Variants in DGKI observed in about 807,000 individuals in gnomAD.
DGKI encodes DAG kinase iota.
DGKI carries 55 observed loss-of-function variants against 147.5 expected under a neutral mutation model. The observed-to-expected ratio is 0.37, with a 90% CI of 0.30 to 0.47. The LOEUF (loss-of-function observed/expected upper bound fraction) is 0.47, where lower values mean the gene tolerates loss of function less well. Ranked by LOEUF, DGKI falls within the 20% of genes least tolerant of loss-of-function variation. The pLI is 1.00. For synonymous variants in DGKI, 469 were observed against 477.1 expected, an observed-to-expected ratio of 0.98 and a Z score of 0.22; for missense variants, 1,007 against 1,323.8, an observed-to-expected ratio of 0.76 and a Z score of 3.71.
At chr7:137,537,488 A>T (rs1295630661) in intron 20 of DGKI, among the ~76,000 whole-genome samples, 1 of 152,298 alleles carries the variant, frequency 6.6e-6, no homozygotes, top group African/African-American at 2.4e-5. Context: ...TAATCCTACA[A>T]TTCAGAGATA....
intron 19 of DGKI, among the ~76,000 whole-genome samples, chr7:137,567,231 T>C (rs1053409339): frequency 6.9e-6 from 1 of 145,262 alleles, no homozygotes; most frequent in Admixed American, 6.9e-5. Flanking sequence ...ACCATTGCAC[T>C]CCAGCCTGGG....
chr7:137,675,283 G>T (rs1039656028), intron 3 of DGKI, among the ~76,000 whole-genome samples: 1 of 152,092 alleles, frequency 6.6e-6, no homozygotes, highest in African/African-American at 2.4e-5. Context: ...CACCTTGTTC[G>T]CTTGCTGGGA....
intron 1 of DGKI, among the ~76,000 whole-genome samples, chr7:137,719,041 C>T (rs566908306): frequency 6.6e-6 from 1 of 152,252 alleles, no homozygotes; most frequent in South Asian, 2.1e-4. Context: ...TTTTCTGTAT[C>T]CACTGATTAT....
chr7:137,518,004 A>G (rs1816838664), intron 21 of DGKI, among the ~76,000 whole-genome samples: 1 of 152,074 alleles, frequency 6.6e-6, no homozygotes, highest in Admixed American at 6.6e-5. Flanking sequence ...TGGTGTGTGC[A>G]GTTTGAAGTG....
At chr7:137,455,794 C>T (rs1305612509) in intron 27 of DGKI, among the ~76,000 whole-genome samples, 3 of 152,020 alleles carry the variant, frequency 2.0e-5, no homozygotes, top group Non-Finnish European at 4.4e-5. Flanking sequence ...CGATATGACT[C>T]CCCAGCCACC....
intron 22 of DGKI, among the ~76,000 whole-genome samples, chr7:137,486,775 T>G (rs116717559): frequency 0.023 from 3,469 of 152,250 alleles, 133 homozygotes; most frequent in African/African-American, 0.079. Context: ...CTACTTTATT[T>G]ACAATATTTA....
chr7:137,711,675 G>T (rs985864194), intron 1 of DGKI, among the ~76,000 whole-genome samples: 1 of 149,660 alleles, frequency 6.7e-6, no homozygotes, highest in Non-Finnish European at 1.5e-5. Context: ...CGTAAAATGG[G>T]GATACCAACT....
At chr7:137,621,502 G>A (rs1343013204) in intron 7 of DGKI, among the ~76,000 whole-genome samples, 1 of 152,168 alleles carries the variant, frequency 6.6e-6, no homozygotes, top group Non-Finnish European at 1.5e-5. Flanking sequence ...ACCATAAAGG[G>A]TCACATATTT....
rs145229823 is a variant in DGKI, at chr7:137,454,751, T to C, written c.2735+8738A>G. The C allele has an allele frequency of 7.2e-5, 11 of 152,246 alleles. No homozygotes were observed. In the East Asian group the frequency reaches 2.1e-3, roughly 29 times the overall value. 9.4% of individuals were successfully genotyped at this position (152,246 alleles called of 1,614,324 possible). On this transcript the variant is annotated intron_variant, in intron 27 of 32. Coordinates refer to ENST00000614521, the MANE Select transcript of DGKI (RefSeq NM_001321708.2). ...TTCTAAAATCCAGACAACGGAGACA[T>C]ACCCGGAGAGCCAGGAGGAAGGACC...
rs1027773953 is a variant in DGKI, at chr7:137,812,321, C to G, written c.401+34141G>C. 2.6e-5 allele frequency among the ~76,000 whole-genome samples: 4 copies of G among 152,166 alleles called. No individual in the cohort carries two copies. In the East Asian group the frequency reaches 7.7e-4, roughly 29 times the overall value. ...ATTACATATTTGGCTTAGGACAGGC[C>G]TGGTACATGGTAATTGCTCAATAAA... On this transcript the variant is annotated intron_variant, in intron 1 of 32. Transcript: ENST00000614521.
intron 3 of DGKI, among the ~76,000 whole-genome samples, chr7:137,659,635 A>C (rs186775604): frequency 1.7e-4 from 26 of 152,380 alleles, no homozygotes; most frequent in African/African-American, 6.0e-4. Flanking sequence ...AAAGTCACTT[A>C]AAAGCATTCA....
chr7:137,502,258 G>A (rs138752840), intron 21 of DGKI, among the ~76,000 whole-genome samples: 10 of 152,230 alleles, frequency 6.6e-5, no homozygotes, highest in South Asian at 2.1e-4. Context: ...ATTTTCTTAC[G>A]TGAGTGAATC....
At chr7:137,503,143 A>G (rs1230659227) in intron 21 of DGKI, among the ~76,000 whole-genome samples, 2 of 152,146 alleles carry the variant, frequency 1.3e-5, no homozygotes. Context: ...CTTATAGACC[A>G]TGACTCAAGC....
intron 1 of DGKI, among the ~76,000 whole-genome samples, chr7:137,817,359 T>C (rs1797770638): frequency 6.6e-6 from 1 of 152,236 alleles, no homozygotes; most frequent in Non-Finnish European, 1.5e-5. Flanking sequence ...ATTGAATGAA[T>C]TAACTACTTT....
At position 137,471,930 on chromosome 7, in the gene DGKI, A is replaced by G. The variant is rs1814911079; in HGVS notation, c.2374-2311T>C. ...TCTTGCTCTCTATATGTATATATGTATATATAATATATACACATGTATATA... is the reference window on the plus strand; with the variant it reads ...TCTTGCTCTCTATATGTATATATGTGTATATAATATATACACATGTATATA... On this transcript the variant is annotated intron_variant, in intron 23 of 32. Transcript: ENST00000614521. Among the ~76,000 whole-genome samples, 3 of 140,426 alleles carry G rather than the reference A, an allele frequency of 2.1e-5. No homozygotes were observed. The South Asian group carries it at 6.5e-4, about 30-fold the overall frequency. The allele number at this position is 140,426 out of a possible 152,430, so 92.1% of individuals were successfully genotyped here. A position where few individuals can be genotyped will look rare whatever the true frequency, so the allele number is the denominator to read the frequency against.
At chr7:137,801,066 C>A (rs989287873) in intron 1 of DGKI, among the ~76,000 whole-genome samples, 3 of 152,214 alleles carry the variant, frequency 2.0e-5, no homozygotes, top group Non-Finnish European at 4.4e-5. Context: ...CAGCACTCTG[C>A]AATTTTTCAT....
At chr7:137,504,344 C>CA (rs2128944119) in intron 21 of DGKI, among the ~76,000 whole-genome samples, 1 of 152,224 alleles carries the variant, frequency 6.6e-6, no homozygotes, top group East Asian at 1.9e-4. Context: ...ATTCAAAGCA[C>CA]AAACAAACTA....
At chr7:137,416,290 T>C (rs1812357708) in intron 28 of DGKI, among the ~76,000 whole-genome samples, 1 of 152,180 alleles carries the variant, frequency 6.6e-6, no homozygotes, top group Non-Finnish European at 1.5e-5. Context: ...GGTAAAACTC[T>C]TGACTAGGTG....
intron 21 of DGKI, among the ~76,000 whole-genome samples, chr7:137,487,893 T>C (rs149042308): frequency 1.8e-3 from 276 of 152,280 alleles, no homozygotes; most frequent in Non-Finnish European, 2.6e-3. Context: ...CACACTTTCC[T>C]AGCATGATCC....
Sources: allele counts gnomAD v4.1 joint callset (sites outside exome capture counted in the v4.1 genomes callset), GRCh38; gene constraint gnomAD v4.1.1; transcripts MANE v1.5; gene names NCBI Gene and HGNC (gene_info 2026-07-23, HGNC 2026-07-21).